Variants in FAM13A observed in about 807,000 individuals in gnomAD.
The protein encoded by FAM13A is family with sequence similarity 13 member A.
FAM13A carries 76 observed loss-of-function variants against 129.6 expected under a neutral mutation model. The ratio of observed to expected loss-of-function variants is 0.59; its 90% CI spans 0.49 to 0.71. The LOEUF is 0.71. Ranked by LOEUF, FAM13A falls within the 30% of genes least tolerant of loss-of-function variation. FAM13A has a pLI of 0.00. For synonymous variants in FAM13A, 443 were observed against 449.9 expected (o/e 0.98, Z 0.20); for missense variants, 1,108 against 1,249.3 (o/e 0.89, Z 1.70).
At chr4:88,896,736 A>AT (rs1347986245) in intron 6 of FAM13A, among the ~76,000 whole-genome samples, 2 of 152,234 alleles carry the variant, frequency 1.3e-5, no homozygotes, top group Non-Finnish European at 2.9e-5. Flanking sequence ...CTTATAGTTA[A>AT]TATGACTCTG....
rs1422712502 is a variant in FAM13A at position 88,923,810 on chromosome 4, T to C, written c.759+14278A>G. Among the ~76,000 whole-genome samples, 4 of 152,208 alleles carry C rather than the reference T, an allele frequency of 2.6e-5. No individual in the cohort carries two copies. The East Asian group carries it at 5.8e-4, about 22-fold the overall frequency. On this transcript the variant is annotated intron_variant, in intron 5 of 23. Coordinates refer to ENST00000264344, the MANE Select transcript of FAM13A (RefSeq NM_014883.4). Reference sequence around the variant, plus strand: ...ATTGTATATCTAGAAAACCCCATTGTCTCAGCCCAAAATCTCCTTAAGCTG... The same window carrying C: ...ATTGTATATCTAGAAAACCCCATTGCCTCAGCCCAAAATCTCCTTAAGCTG...
chr4:89,019,761 C>CAA (rs61682568), intron 3 of FAM13A, among the ~76,000 whole-genome samples: 9,380 of 57,648 alleles, frequency 0.16, 830 homozygotes, highest in Non-Finnish European at 0.23. Context: ...AACTACATCT[C>CAA]AAAAAAAAAA....
intron 15 of FAM13A, 68 bp downstream of exon 15, chr4:88,750,356 G>T: frequency 7.7e-7 from 1 of 1,291,352 alleles, no homozygotes; most frequent in Non-Finnish European, 1.1e-6. Flanking sequence ...TTCACTATCA[G>T]TGCCATTCCT....
intron 6 of FAM13A, among the ~76,000 whole-genome samples, chr4:88,856,183 A>G (rs973667103): frequency 6.6e-6 from 1 of 152,138 alleles, no homozygotes. Flanking sequence ...TGAAAGTACA[A>G]AAACTCTAAG....
At chr4:89,003,628 G>T (rs1764590967) in intron 3 of FAM13A, among the ~76,000 whole-genome samples, 2 of 149,912 alleles carry the variant, frequency 1.3e-5, no homozygotes, top group African/African-American at 4.9e-5. Context: ...GAATGAGTGG[G>T]GAAAAAAGAA....
chr4:88,890,445 G>A (rs2150160587), intron 6 of FAM13A, among the ~76,000 whole-genome samples: 1 of 152,246 alleles, frequency 6.6e-6, no homozygotes, highest in Middle Eastern at 3.4e-3. Flanking sequence ...TTGGCCTAGG[G>A]TTACAACTGC....
At chr4:88,914,467 C>G (rs536774518) in intron 5 of FAM13A, among the ~76,000 whole-genome samples, 139 of 152,304 alleles carry the variant, frequency 9.1e-4, no homozygotes, top group Middle Eastern at 3.4e-3. Context: ...TTCTGTTCTT[C>G]AAATACCCCA....
intron 10 of FAM13A, among the ~76,000 whole-genome samples, chr4:88,786,847 A>T (rs951139659): frequency 6.6e-6 from 1 of 152,058 alleles, no homozygotes; most frequent in African/African-American, 2.4e-5. Context: ...AAAGAATGCG[A>T]ATGAGGGGTG....
intron 7 of FAM13A, among the ~76,000 whole-genome samples, chr4:88,808,152 G>GT (rs1728957105): frequency 1.3e-5 from 2 of 152,042 alleles, no homozygotes; most frequent in South Asian, 4.1e-4. Context: ...CCTTTTCTGG[G>GT]ATTTAGTAAT....
At chr4:88,811,460 C>G (rs891856275) in intron 7 of FAM13A, among the ~76,000 whole-genome samples, 1 of 152,116 alleles carries the variant, frequency 6.6e-6, no homozygotes, top group Non-Finnish European at 1.5e-5. Context: ...AACTAAGGAT[C>G]ATCTCATTCC....
At chr4:88,927,764 T>C (rs1752438589) in intron 5 of FAM13A, among the ~76,000 whole-genome samples, 3 of 152,058 alleles carry the variant, frequency 2.0e-5, no homozygotes, top group African/African-American at 7.2e-5. Context: ...TTTTCTTGGT[T>C]AGTCTAGTGA....
At chr4:88,932,640 G>A (rs1183048490) in intron 5 of FAM13A, among the ~76,000 whole-genome samples, 5 of 152,116 alleles carry the variant, frequency 3.3e-5, no homozygotes, top group Non-Finnish European at 5.9e-5. Flanking sequence ...AAAAGATATG[G>A]GAAATGGTTT....
In FAM13A at chr4:88,949,518, A is replaced by G. The variant is rs148688575; in HGVS notation, c.606-11277T>C. Among the ~76,000 whole-genome samples the G allele has an allele frequency of 7.5e-4, 114 of 152,348 alleles. No individual in the cohort carries two copies. In the East Asian group the frequency reaches 0.019, roughly 26 times the overall value. On this transcript the variant is annotated intron_variant, in intron 4 of 23. Transcript: ENST00000264344. Reference sequence around the variant, plus strand: ...GTTTAACAACCATTTTAAAAGATGCAAAAGTTTCCAAATTTGTACTCTCCT... The same window carrying G: ...GTTTAACAACCATTTTAAAAGATGCGAAAGTTTCCAAATTTGTACTCTCCT...
intron 3 of FAM13A, among the ~76,000 whole-genome samples, chr4:89,015,667 C>T (rs967726878): frequency 6.6e-6 from 1 of 152,140 alleles, no homozygotes; most frequent in Non-Finnish European, 1.5e-5. Flanking sequence ...ACTTACTATA[C>T]TATACATTTT....
At chr4:88,842,047 A>G (rs570073596) in intron 7 of FAM13A, among the ~76,000 whole-genome samples, 1 of 152,236 alleles carries the variant, frequency 6.6e-6, no homozygotes, top group Non-Finnish European at 1.5e-5. Flanking sequence ...TGGTTCATAC[A>G]TACAATGAAA....
At chr4:88,781,801 G>A (rs895602561) in intron 10 of FAM13A, among the ~76,000 whole-genome samples, 6 of 151,240 alleles carry the variant, frequency 4.0e-5, no homozygotes, top group African/African-American at 1.5e-4. Context: ...GAGAACACAT[G>A]GACACAGGAA....
At chr4:88,990,912 A>G (rs1762845983) in intron 4 of FAM13A, 61 bp downstream of exon 4, 1 of 1,275,128 alleles carries the variant, frequency 7.8e-7, no homozygotes. Flanking sequence ...CAGTAATTTC[A>G]GACAGTAGTA....
intron 4 of FAM13A, among the ~76,000 whole-genome samples, chr4:88,973,921 G>C (rs552941021): frequency 1.3e-5 from 2 of 152,124 alleles, no homozygotes; most frequent in Non-Finnish European, 2.9e-5. Flanking sequence ...GATGGGGCTG[G>C]AATTGGGTAT....
intron 14 of FAM13A, chr4:88,753,821 C>T (rs974174680): frequency 4.5e-5 from 7 of 154,072 alleles, no homozygotes; most frequent in African/African-American, 1.7e-4. Flanking sequence ...AGAACAATAA[C>T]AAAGTACTAA....
Sources: allele counts gnomAD v4.1 joint callset (sites outside exome capture counted in the v4.1 genomes callset), GRCh38; gene constraint gnomAD v4.1.1; transcripts MANE v1.5; gene names NCBI Gene and HGNC (gene_info 2026-07-23, HGNC 2026-07-21).